GGT1: variants seen among roughly 807,000 people sequenced by gnomAD.
The protein encoded by GGT1 is glutathione hydrolase 1 proenzyme.
In GGT1, 21 loss-of-function variants were observed where a neutral mutation model predicts 56.0. The ratio of observed to expected loss-of-function variants is 0.38; its 90% CI spans 0.27 to 0.54. The LOEUF is 0.54. Among genes scored for constraint, GGT1 ranks in the 20% least tolerant of loss-of-function variants. The probability of loss-of-function intolerance (pLI) is 0.82; values close to 1 mark genes in which losing one functional copy is unlikely to be tolerated. For synonymous variants in GGT1, 238 were observed against 342.6 expected, an observed-to-expected ratio of 0.69 and a Z score of 3.37; for missense variants, 466 against 787.0, an observed-to-expected ratio of 0.59 and a Z score of 4.88.
intron 1 of GGT1, among the ~76,000 whole-genome samples, chr22:24,596,587 G>A (rs765756064): frequency 3.9e-5 from 6 of 152,052 alleles, no homozygotes; most frequent in East Asian, 1.9e-4. Context: ...ACCATGCCCG[G>A]CTCACATGGC....
chr22:24,592,075 C>T (rs912221597), upstream of GGT1: 2 of 345,826 alleles, frequency 5.8e-6, no homozygotes, highest in East Asian at 8.3e-5. Context: ...TGGCTGACTT[C>T]CTGCTCACAG....
chr22:24,602,348 C>G (rs2045797584), upstream of GGT1, among the ~76,000 whole-genome samples: 1 of 152,156 alleles, frequency 6.6e-6, no homozygotes, highest in Non-Finnish European at 1.5e-5. Context: ...GGTCAGGGCT[C>G]CTTGAGAGAA....
In GGT1 at chr22:24,615,070, G is replaced by T; in HGVS notation, c.325G>T (p.Val109Leu). The change falls in exon 7 of 16, where the codon GTG becomes TTG. Residue 109 changes from valine (V) to leucine (L), a missense_variant. Val to Leu is a conservative substitution (Grantham distance 32). This residue lies in a region of GGT1 where 456 missense variants were observed against 716.7 expected (regional missense o/e 0.64). Transcript: ENST00000400382. ...RKAEVINARE[V>L]APRLAFATMF... ...AGCTGAGGTCATCAACGCCCGCGAGGTGGCCCCCAGGCTGGCCTTTGCCAC... is the reference window on the plus strand; with the variant it reads ...AGCTGAGGTCATCAACGCCCGCGAGTTGGCCCCCAGGCTGGCCTTTGCCAC... 6.2e-7 allele frequency: 1 copy of T among 1,612,216 alleles called. No homozygotes were observed. The highest frequency in any genetic ancestry group is 8.5e-7 in the Non-Finnish European group (1 of 1,179,782).
At chr22:24,586,280 A>T in the GGT1 span, 1 of 1,613,908 alleles carries the variant, frequency 6.2e-7, no homozygotes, top group South Asian at 1.1e-5. Flanking sequence ...GCTCAGGTCC[A>T]GCACCGCCAG....
At chr22:24,584,727 C>T in the GGT1 span, among the ~76,000 whole-genome samples, 1 of 151,992 alleles carries the variant, frequency 6.6e-6, no homozygotes, top group Non-Finnish European at 1.5e-5. Context: ...GGCCCCACTG[C>T]CCCCAGACCT....
chr22:24,606,458 C>T (rs1313408978), intron 1 of GGT1, among the ~76,000 whole-genome samples: 2 of 152,162 alleles, frequency 1.3e-5, no homozygotes, highest in Non-Finnish European at 2.9e-5. Flanking sequence ...TGTGGCTCTC[C>T]ACTTTAGACC....
upstream of GGT1, among the ~76,000 whole-genome samples, chr22:24,594,421 G>GTGTGTC (rs2045655929): frequency 6.6e-6 from 1 of 151,724 alleles, no homozygotes; most frequent in Non-Finnish European, 1.5e-5. Context: ...GTGTGTGTGT[G>GTGTGTC]TGTGTCTGCT....
At chr22:24,597,457 T>C (rs1601609806) in intron 1 of GGT1, among the ~76,000 whole-genome samples, 1 of 152,156 alleles carries the variant, frequency 6.6e-6, no homozygotes, top group African/African-American at 2.4e-5. Flanking sequence ...GGCGGATCAC[T>C]TGAGGCTAGG....
At position 24,605,492 on chromosome 22, in the gene GGT1, T is replaced by C. The variant is rs1279812934; in HGVS notation, c.-429+1965T>C. Reference sequence around the variant, plus strand: ...AATATTATATAATGTGTATTATATATTATATAATATTATATAATGTGTATT... The same window carrying C: ...AATATTATATAATGTGTATTATATACTATATAATATTATATAATGTGTATT... On this transcript the variant is annotated intron_variant, in intron 1 of 15. Transcript: ENST00000400382. Among the ~76,000 whole-genome samples the C allele has an allele frequency of 4.9e-5, 3 of 60,854 alleles. 1 individual carries two copies. The South Asian group carries it at 1.3e-3, about 25-fold the overall frequency. 39.9% of individuals were successfully genotyped at this position (60,854 alleles called of 152,430 possible). A position where few individuals can be genotyped will look rare whatever the true frequency, so the allele number is the denominator to read the frequency against.
chr22:24,589,893 G>A, upstream of GGT1: 1 of 1,613,746 alleles, frequency 6.2e-7, no homozygotes, highest in South Asian at 1.1e-5. Flanking sequence ...CCGGGTTGAG[G>A]AAGGCCACAT....
At chr22:24,609,663 C>T (rs577146173) in intron 2 of GGT1, 3 of 290,940 alleles carry the variant, frequency 1.0e-5, no homozygotes, top group African/African-American at 4.5e-5. Flanking sequence ...TGCTGGCAGA[C>T]ACCGCCCTTT....
At chr22:24,623,443 A>C (rs2047555795) in intron 10 of GGT1, among the ~76,000 whole-genome samples, 187 bp downstream of exon 10, 1 of 151,726 alleles carries the variant, frequency 6.6e-6, no homozygotes, top group African/African-American at 2.4e-5. Flanking sequence ...ACAGGGCTGA[A>C]GCGGGCAATG....
the GGT1 span, among the ~76,000 whole-genome samples, chr22:24,585,118 GCTGCC>G: frequency 6.6e-6 from 1 of 152,166 alleles, no homozygotes; most frequent in Non-Finnish European, 1.5e-5. Context: ...ACCCCACAGA[GCTGCC>G]CCTCGCCAAG....
chr22:24,611,146 T>C lies in GGT1; in HGVS notation c.65T>C (p.Leu22Pro). ...AVVLVLVIVGLCLWLPSASKE... is the reference protein window; with the variant it reads ...AVVLVLVIVGPCLWLPSASKE... Reference sequence around the variant, plus strand: ...GTCCTGGTGCTGGTCATTGTCGGCCTCTGTCTCTGGCTGCCCTCAGCCTCC... The same window carrying C: ...GTCCTGGTGCTGGTCATTGTCGGCCCCTGTCTCTGGCTGCCCTCAGCCTCC... Residue 22 changes from leucine (L) to proline (P), a missense_variant, in exon 5 of 16, where the codon CTC (leucine) becomes CCC (proline). Leu to Pro is a moderately conservative substitution (Grantham distance 98, BLOSUM62 -3). This residue lies in a region of GGT1 where 456 missense variants were observed against 716.7 expected (regional missense o/e 0.64). Transcript: ENST00000400382. The C allele has an allele frequency of 3.7e-6, 6 of 1,601,298 alleles. No homozygotes were observed. Among genetic ancestry groups the C allele is most frequent in the African/African-American group, 1.3e-5 (1 of 74,692 alleles).
intron 1 of GGT1, chr22:24,597,997 C>A (rs1601610597): frequency 6.6e-6 from 1 of 152,210 alleles, no homozygotes; most frequent in Non-Finnish European, 1.5e-5. Flanking sequence ...CCAAGGCCCC[C>A]TCTTTGGGTT....
chr22:24,593,142 C>A, upstream of GGT1: 2 of 995,992 alleles, frequency 2.0e-6, no homozygotes, highest in South Asian at 9.4e-5. Context: ...CGCGGCCCTG[C>A]CCCGTCCGGG....
At position 24,627,934 on chromosome 22, in the gene GGT1, A is replaced by G; in HGVS notation, c.1291A>G (p.Asn431Asp). 6.2e-7 allele frequency: 1 copy of G among 1,613,538 alleles called. No individual in the cohort carries two copies. The highest frequency in any genetic ancestry group is 2.2e-5 in the East Asian group (1 of 44,828). Residue 431 changes from asparagine (N) to aspartate (D), a missense_variant, in exon 13 of 16, where the codon AAC (asparagine) becomes GAC (aspartate). Around this residue, in one of 2 missense-constraint regions of GGT1, gnomAD observed 456 missense variants for 716.7 expected, o/e 0.64. Transcript: ENST00000400382. ...CGACTTCAGCTCTCCCAGCATCACC[A>G]ACGAGTTTGGGGTACCCCCCTCACC... ...MDDFSSPSIT[N>D]EFGVPPSPAN...
At chr22:24,585,814 G>T in the GGT1 span, 1 of 1,397,032 alleles carries the variant, frequency 7.2e-7, no homozygotes, top group South Asian at 1.4e-5. Flanking sequence ...AGTCCTCCTT[G>T]ACCTTCATCG....
At chr22:24,615,514 G>A (rs2047004033) in intron 7 of GGT1, among the ~76,000 whole-genome samples, 1 of 152,164 alleles carries the variant, frequency 6.6e-6, no homozygotes, top group Admixed American at 6.5e-5. Flanking sequence ...CATTTTACAG[G>A]GTGGGGATGC....
Sources: allele counts gnomAD v4.1 joint callset (sites outside exome capture counted in the v4.1 genomes callset), GRCh38; gene constraint gnomAD v4.1.1; regional missense constraint gnomAD v4.1.1; transcripts MANE v1.5; gene names NCBI Gene and HGNC (gene_info 2026-07-23, HGNC 2026-07-21).